Variants in PDZK1 observed in about 807,000 individuals in gnomAD.
PDZK1 encodes the protein Na(+)/H(+) exchange regulatory cofactor NHE-RF3.
A neutral mutation model predicts 38.1 loss-of-function variants in PDZK1; 23 were observed. The observed-to-expected ratio is 0.60, with a 90% CI of 0.43 to 0.85. PDZK1 has a LOEUF of 0.85. PDZK1 is among the 40% of genes least tolerant of loss of function. PDZK1 has a pLI of 0.00. For synonymous variants in PDZK1, 98 were observed against 186.2 expected (o/e 0.53, Z 3.86); for missense variants, 297 against 504.3 (o/e 0.59, Z 3.94).
At chr1:145,671,724 A>G in intron 8 of PDZK1, 4 of 483,428 alleles carry the variant, frequency 8.3e-6, no homozygotes, top group Non-Finnish European at 1.5e-5. Flanking sequence ...TATGACTAGA[A>G]GTCAGGTGAC....
rs782174227 is a variant in PDZK1, at chr1:145,681,029, G to GT, written c.675dup (p.Gln226ThrfsTer61). The GT allele has an allele frequency of 1.8e-6, 1 of 570,160 alleles. No homozygotes were observed. The highest frequency in any genetic ancestry group is 3.0e-6 in the Non-Finnish European group (1 of 328,074). 35.3% of individuals were successfully genotyped at this position (570,160 alleles called of 1,614,324 possible). A position where few individuals can be genotyped will look rare whatever the true frequency, so the allele number is the denominator to read the frequency against. On this transcript the variant is annotated frameshift_variant, in exon 5 of 9. Coordinates refer to ENST00000417171, the MANE Select transcript of PDZK1 (RefSeq NM_001201325.2). LOFTEE classifies it high-confidence loss of function. Reference sequence around the variant, plus strand: ...AAACTGGCTGTTTCTCTTTTGAATTGTATCTTCTGCTCAACATGACGCTTG... The same window carrying GT: ...AAACTGGCTGTTTCTCTTTTGAATTGTTATCTTCTGCTCAACATGACGCTTG...
chr1:145,687,798 A>C lies in PDZK1; in HGVS notation c.210+14T>G, dbSNP rs1441329622. 1 of 1,596,130 alleles carries C rather than the reference A, an allele frequency of 6.3e-7. No homozygotes were observed. Among genetic ancestry groups the C allele is most frequent in the Non-Finnish European group, 8.6e-7 (1 of 1,163,710 alleles). ...AAGAGATCCTGGAAGAAAAGCCCCA[A>C]ATGTCTCATTCACCTGCATATGTTC... On this transcript the variant is annotated intron_variant, in intron 2 of 8. Transcript: ENST00000417171.
chr1:145,675,009 A>G lies in PDZK1; in HGVS notation c.991-1128T>C, dbSNP rs181011173. Among the ~76,000 whole-genome samples, 27 of 152,240 alleles carry G rather than the reference A, an allele frequency of 1.8e-4. No homozygotes were observed. In the East Asian group the frequency reaches 4.6e-3, roughly 26 times the overall value. ...AATTCCAACCCTTTGCTGCTTGCCAATACCCTCCCCTTCCAGACCTGGGAT... is the reference window on the plus strand; with the variant it reads ...AATTCCAACCCTTTGCTGCTTGCCAGTACCCTCCCCTTCCAGACCTGGGAT... On this transcript the variant is annotated intron_variant, in intron 6 of 8. Transcript: ENST00000417171.
chr1:145,696,238 C>T (rs1197604291), intron 1 of PDZK1, among the ~76,000 whole-genome samples: 2 of 152,194 alleles, frequency 1.3e-5, no homozygotes, highest in Non-Finnish European at 2.9e-5. Context: ...CACTTATCTG[C>T]CTGCTTCTCC....
rs1553698372 is a variant in PDZK1, at chr1:145,672,920, A to G, written c.1316T>C (p.Val439Ala). The G allele has an allele frequency of 6.2e-7, 1 of 1,600,678 alleles. No homozygotes were observed. Among genetic ancestry groups the G allele is most frequent in the Non-Finnish European group, 8.5e-7 (1 of 1,170,334 alleles). The change falls in exon 8 of 9, where the codon GTG becomes GCG. Residue 439 changes from valine (V) to alanine (A), a missense_variant. Val to Ala is a moderately conservative substitution (Grantham distance 64, BLOSUM62 0). Coordinates refer to ENST00000417171, the MANE Select transcript of PDZK1 (RefSeq NM_001201325.2). ...CCCACTGCTCTGGATTCTATCCACC[A>G]CCTTCTCATAGGGTTCATCTAGCAC... is the stretch of plus-strand genomic sequence containing the variant. ...VNVLDEPYEK[V>A]VDRIQSSGKN...
intron 3 of PDZK1, among the ~76,000 whole-genome samples, chr1:145,682,897 G>T (rs587707356): frequency 1.3e-5 from 2 of 152,260 alleles, no homozygotes; most frequent in East Asian, 3.9e-4. Flanking sequence ...CTTTCCCTAT[G>T]GTATATCAGC....
chr1:145,700,016 G>GA (rs1655868709), intron 1 of PDZK1, among the ~76,000 whole-genome samples: 1 of 152,166 alleles, frequency 6.6e-6, no homozygotes, highest in African/African-American at 2.4e-5. Context: ...GTCCTCTGAT[G>GA]AAACGCCTGA....
chr1:145,706,528 A>G (rs948311157), intron 1 of PDZK1, among the ~76,000 whole-genome samples: 1 of 152,190 alleles, frequency 6.6e-6, no homozygotes. Context: ...TCTCAGAGCC[A>G]ACGCCCAAAT....
chr1:145,680,433 A>C (rs1654120843), intron 5 of PDZK1, among the ~76,000 whole-genome samples: 1 of 151,270 alleles, frequency 6.6e-6, no homozygotes, highest in Admixed American at 6.6e-5. Context: ...AGGAAGGAGG[A>C]CTCCTGGTTC....
At chr1:145,702,544 C>T (rs587631798) in intron 1 of PDZK1, among the ~76,000 whole-genome samples, 1 of 152,128 alleles carries the variant, frequency 6.6e-6, no homozygotes, top group East Asian at 1.9e-4. Context: ...GACAAACTTT[C>T]TAACCCTGGT....
chr1:145,702,268 G>A (rs375648391), intron 1 of PDZK1, among the ~76,000 whole-genome samples: 1 of 152,066 alleles, frequency 6.6e-6, no homozygotes, highest in African/African-American at 2.4e-5. Flanking sequence ...AAGACTCTGG[G>A]CTGGAGTTCA....
chr1:145,682,875 A>G (rs1654403356), intron 3 of PDZK1, among the ~76,000 whole-genome samples: 1 of 152,156 alleles, frequency 6.6e-6, no homozygotes, highest in South Asian at 2.1e-4. Flanking sequence ...GTCTTGCTGG[A>G]GCACATATAC....
intron 6 of PDZK1, among the ~76,000 whole-genome samples, chr1:145,676,394 G>T (rs139917954): frequency 1.5e-4 from 23 of 151,914 alleles, no homozygotes; most frequent in South Asian, 2.1e-4. Flanking sequence ...CCAAAAGCTA[G>T]CTCCCTATGG....
chr1:145,671,293 TCACA>T lies in PDZK1; in HGVS notation c.*139_*142del. On this transcript the variant is annotated 3_prime_UTR_variant, in exon 9 of 9. Transcript: ENST00000417171. The stretch of plus-strand genomic sequence containing the variant: ...TAAGACAAATGATAACAGAAGACAA[TCACA>T]CATGGTGAATGGTTTCCAGTGGAGT... The T allele has an allele frequency of 7.3e-7, 1 of 1,373,094 alleles. No individual in the cohort carries two copies. The highest frequency in any genetic ancestry group is 9.7e-7 in the Non-Finnish European group (1 of 1,035,672). The allele number at this position is 1,373,094 out of a possible 1,614,324, so 85.1% of individuals were successfully genotyped here.
chr1:145,699,196 C>T (rs1459149072), intron 1 of PDZK1, among the ~76,000 whole-genome samples: 1 of 152,004 alleles, frequency 6.6e-6, no homozygotes, highest in Non-Finnish European at 1.5e-5. Flanking sequence ...TGAGATCACG[C>T]CATTACACTC....
intron 1 of PDZK1, among the ~76,000 whole-genome samples, chr1:145,689,025 C>A (rs1553702589): frequency 6.6e-6 from 1 of 152,114 alleles, no homozygotes; most frequent in Non-Finnish European, 1.5e-5. Flanking sequence ...AAAGGCTGTT[C>A]TGGCCCCTGA....
intron 3 of PDZK1, among the ~76,000 whole-genome samples, chr1:145,683,044 C>A (rs1654420030): frequency 6.6e-6 from 1 of 152,202 alleles, no homozygotes; most frequent in Non-Finnish European, 1.5e-5. Context: ...GGTTTCTCAG[C>A]TCCTTTGGCC....
intron 8 of PDZK1, among the ~76,000 whole-genome samples, chr1:145,671,879 A>G (rs1259474445): frequency 6.6e-6 from 1 of 151,856 alleles, no homozygotes; most frequent in Non-Finnish European, 1.5e-5. Flanking sequence ...AACTAATACA[A>G]CTAATAGTAT....
rs782603971 is a variant in PDZK1, at chr1:145,687,924, T to A, written c.98A>T (p.His33Leu). ...FLRIEKDTEGHLVRVVEKCSP... is the reference protein window; with the variant it reads ...FLRIEKDTEGLLVRVVEKCSP... ...ACACTTCTCAACCACCCGGACCAGG[T>A]GGCCCTCGGTGTCCTTCTCAATTCG... The change falls in exon 2 of 9, where the codon CAC (histidine) becomes CTC (leucine). Residue 33 changes from histidine to leucine, a missense_variant. This residue lies in a region of PDZK1 where 159 missense variants were observed against 200.0 expected (regional missense o/e 0.79). Transcript: ENST00000417171. 8 of 1,613,094 alleles carry A rather than the reference T, an allele frequency of 5.0e-6. No homozygotes were observed. In the Admixed American group the frequency reaches 1.3e-4, roughly 27 times the overall value.
Sources: gnomAD v4.1 joint callset for allele counts (sites outside exome capture counted in the v4.1 genomes callset) on GRCh38, gnomAD v4.1.1 for gene constraint, gnomAD v4.1.1 regional missense constraint, MANE v1.5 for transcripts, NCBI Gene and HGNC (gene_info 2026-07-23, HGNC 2026-07-21) for gene names.